Variants in ZNRF3 observed in about 807,000 individuals in gnomAD.
ZNRF3 encodes E3 ubiquitin-protein ligase ZNRF3.
Under a neutral mutation model 72.5 loss-of-function variants are expected in ZNRF3, and 23 were observed. The ratio of observed to expected loss-of-function variants is 0.32; its 90% CI spans 0.23 to 0.45. The LOEUF is 0.45. Ranked by LOEUF, ZNRF3 falls within the 20% of genes least tolerant of loss-of-function variation. ZNRF3 has a pLI of 1.00. For missense variants in ZNRF3, 1,169 were observed against 1,272.1 expected (o/e 0.92, Z 1.23); for synonymous variants, 610 against 545.3 (o/e 1.12, Z -1.65).
chr22:29,016,368 T>C (rs1301726108), intron 2 of ZNRF3, among the ~76,000 whole-genome samples: 1 of 152,192 alleles, frequency 6.6e-6, no homozygotes, highest in Non-Finnish European at 1.5e-5. Context: ...AAGGCTTTGC[T>C]GGGGCAGGGG....
At chr22:28,987,031 T>C in intron 1 of ZNRF3, 45 bp from the exon 2 acceptor site, 1 of 1,586,894 alleles carries the variant, frequency 6.3e-7, no homozygotes, top group Non-Finnish European at 8.6e-7. Flanking sequence ...GTCAAGCAAA[T>C]GTGTAGCTTG....
chr22:29,053,372 T>A (rs2037241838), intron 8 of ZNRF3, among the ~76,000 whole-genome samples: 1 of 152,194 alleles, frequency 6.6e-6, no homozygotes, highest in South Asian at 2.1e-4. Flanking sequence ...TCTAGAAAGC[T>A]CTCTACATCC....
At chr22:29,042,226 C>G (rs1353692022) in intron 2 of ZNRF3, among the ~76,000 whole-genome samples, 1 of 152,166 alleles carries the variant, frequency 6.6e-6, no homozygotes, top group African/African-American at 2.4e-5. Context: ...ATTCGCATAT[C>G]CATTATCTCA....
chr22:29,005,967 G>A (rs1245033318), intron 2 of ZNRF3, among the ~76,000 whole-genome samples: 1 of 151,706 alleles, frequency 6.6e-6, no homozygotes, highest in South Asian at 2.1e-4. Context: ...CCTGGAGGCA[G>A]AGGTTGCAGT....
At position 28,946,212 on chromosome 22, in the gene ZNRF3, C is replaced by T. The variant is rs918660122; in HGVS notation, c.301-40864C>T. On this transcript the variant is annotated intron_variant, in intron 1 of 8. Transcript: ENST00000544604. ...AACTTTTGTTTTAATTGACTCTTCA[C>T]CCCCCGAAAATTATTTTGAGAATAT... Among the ~76,000 whole-genome samples the T allele has an allele frequency of 2.6e-5, 4 of 152,128 alleles. No individual in the cohort carries two copies. The South Asian group carries it at 8.3e-4, about 32-fold the overall frequency.
chr22:28,988,690 T>G (rs1424937460), intron 2 of ZNRF3, among the ~76,000 whole-genome samples: 1 of 152,200 alleles, frequency 6.6e-6, no homozygotes, highest in Non-Finnish European at 1.5e-5. Flanking sequence ...TAGTGTTTTC[T>G]TAGGAGAAAT....
Position 28,976,846 on chromosome 22 carries a change from TA to T in ZNRF3, c.301-10221del, listed in dbSNP as rs964982341. ...AGGTTTCTATAGTCTACTGGATACTTAAAAAAAAATTTAACTTACGAGGCAT... is the reference window on the plus strand; with the variant it reads ...AGGTTTCTATAGTCTACTGGATACTTAAAAAAAATTTAACTTACGAGGCAT... On this transcript the variant is annotated intron_variant, in intron 1 of 8. Coordinates refer to ENST00000544604, the MANE Select transcript of ZNRF3 (RefSeq NM_001206998.2). 3.7e-3 allele frequency among the ~76,000 whole-genome samples: 556 copies of T among 151,912 alleles called. 2 individuals carry two copies. Among genetic ancestry groups the T allele is most frequent in the African/African-American group, 0.011 (457 of 41,430 alleles).
chr22:28,910,449 C>G (rs190680773), intron 1 of ZNRF3, among the ~76,000 whole-genome samples: 1 of 152,218 alleles, frequency 6.6e-6, no homozygotes, highest in Non-Finnish European at 1.5e-5. Flanking sequence ...TGATGGTCCA[C>G]TTTGTTACCG....
chr22:28,930,444 G>A (rs931831839), intron 1 of ZNRF3, among the ~76,000 whole-genome samples: 6 of 152,174 alleles, frequency 3.9e-5, no homozygotes, highest in Non-Finnish European at 8.8e-5. Context: ...GAAATTCATG[G>A]AAAGGGCCCC....
rs1323133757 is a variant in ZNRF3, at chr22:28,883,861, C to G, written c.95C>G (p.Pro32Arg). The G allele has an allele frequency of 2.0e-6, 2 of 990,042 alleles. No homozygotes were observed. The highest frequency in any genetic ancestry group is 2.4e-6 in the Non-Finnish European group (2 of 835,524). The allele number at this position is 990,042 out of a possible 1,614,324, so 61.3% of individuals were successfully genotyped here. The change falls in exon 1 of 9, where the codon CCG (proline) becomes CGG (arginine). Residue 32 changes from proline (P) to arginine (R), a missense_variant. Coordinates refer to ENST00000544604, the MANE Select transcript of ZNRF3 (RefSeq NM_001206998.2). This position sits in a 1 kb window ranked among gnomAD's most constrained non-coding sequence, Gnocchi z 5.5. Reference sequence around the variant, plus strand: ...CGCGGCCTCCGGTGCAGCCGCCTGCCGCCGCCGCCGCCGCTGCCGCTGCTG... The same window carrying G: ...CGCGGCCTCCGGTGCAGCCGCCTGCGGCCGCCGCCGCCGCTGCCGCTGCTG... ...RPRGLRCSRL[P>R]PPPPLPLLLG...
intron 1 of ZNRF3, among the ~76,000 whole-genome samples, chr22:28,945,839 T>TA (rs200506478): frequency 7.9e-5 from 12 of 151,174 alleles, no homozygotes; most frequent in African/African-American, 2.4e-4. Flanking sequence ...CATCTCTATT[T>TA]AAAAAAAAAG....
chr22:28,926,152 C>T (rs2034596219), intron 1 of ZNRF3, among the ~76,000 whole-genome samples: 1 of 152,210 alleles, frequency 6.6e-6, no homozygotes, highest in African/African-American at 2.4e-5. Flanking sequence ...CATCTTGTCC[C>T]TCTCTTTGCC....
intron 1 of ZNRF3, among the ~76,000 whole-genome samples, chr22:28,904,141 A>G (rs777621615): frequency 3.8e-4 from 58 of 152,144 alleles, no homozygotes; most frequent in Non-Finnish European, 7.6e-4. Context: ...AACAACTCCT[A>G]GTTAACCTTG....
At chr22:28,964,662 A>T (rs1243517286) in intron 1 of ZNRF3, among the ~76,000 whole-genome samples, 2 of 152,042 alleles carry the variant, frequency 1.3e-5, no homozygotes, top group South Asian at 4.1e-4. Flanking sequence ...GTGTCTCATC[A>T]CCCCTCAGGT....
intron 1 of ZNRF3, among the ~76,000 whole-genome samples, chr22:28,906,423 G>A (rs992488066): frequency 2.6e-5 from 4 of 152,206 alleles, no homozygotes; most frequent in African/African-American, 9.7e-5. Context: ...CATAGTGGTG[G>A]AGAGTACATC....
chr22:28,903,762 C>G (rs1221546462), intron 1 of ZNRF3, among the ~76,000 whole-genome samples: 1 of 152,134 alleles, frequency 6.6e-6, no homozygotes, highest in African/African-American at 2.4e-5. Context: ...CTCCTTCCTA[C>G]GTCAAGGCCA....
intron 1 of ZNRF3, chr22:28,986,606 A>G (rs1209399904): frequency 1.3e-5 from 13 of 985,252 alleles, no homozygotes; most frequent in Non-Finnish European, 1.3e-5. Flanking sequence ...TGGTCTCTGC[A>G]TAGAGTCCGG....
At chr22:28,894,082 A>C (rs1427961890) in intron 1 of ZNRF3, among the ~76,000 whole-genome samples, 2 of 151,882 alleles carry the variant, frequency 1.3e-5, no homozygotes. Context: ...TCAGCCTCCC[A>C]AGTAACTGGG....
intron 1 of ZNRF3, among the ~76,000 whole-genome samples, chr22:28,901,306 C>T (rs1366309427): frequency 2.0e-5 from 3 of 152,040 alleles, no homozygotes; most frequent in Non-Finnish European, 2.9e-5. Context: ...TAGAGTTGTG[C>T]GGTGCATAAG....
Sources: gnomAD v4.1 joint callset for allele counts (sites outside exome capture counted in the v4.1 genomes callset) on GRCh38, gnomAD v4.1.1 for gene constraint, Gnocchi (gnomAD v3.1) non-coding constraint, MANE v1.5 for transcripts, NCBI Gene and HGNC (gene_info 2026-07-23, HGNC 2026-07-21) for gene names.